SERINC5: variants seen among roughly 807,000 people sequenced by gnomAD.
SERINC5 encodes the protein serine incorporator 5, also known as chromosome 5 open reading frame 12.
SERINC5 carries 41 observed loss-of-function variants against 63.1 expected under a neutral mutation model. That is an observed-to-expected ratio of 0.65 (90% CI 0.51 to 0.84). The LOEUF is 0.84. Ranked by LOEUF, SERINC5 falls within the 40% of genes least tolerant of loss-of-function variation. The pLI, the probability that SERINC5 is intolerant of heterozygous loss-of-function variation, is 0.00. For synonymous variants in SERINC5, 222 were observed against 215.2 expected (o/e 1.03, Z -0.28); for missense variants, 523 against 573.0 (o/e 0.91, Z 0.89).
At chr5:80,208,702 A>G (rs1321907664) in intron 1 of SERINC5, among the ~76,000 whole-genome samples, 3 of 152,244 alleles carry the variant, frequency 2.0e-5, no homozygotes, top group Non-Finnish European at 4.4e-5. Flanking sequence ...TCAGAGGGCA[A>G]TGCTTGCAAT....
At chr5:80,115,517 T>C (rs1744293835) in intron 11 of SERINC5, among the ~76,000 whole-genome samples, 1 of 152,060 alleles carries the variant, frequency 6.6e-6, no homozygotes, top group South Asian at 2.1e-4. Flanking sequence ...TATTTGCTAT[T>C]TTCTGCTTCC....
At chr5:80,112,581 ACTT>A (rs1431390903) in intron 12 of SERINC5, among the ~76,000 whole-genome samples, 1 of 151,974 alleles carries the variant, frequency 6.6e-6, no homozygotes, top group African/African-American at 2.4e-5. Flanking sequence ...TCTGTGTCTT[ACTT>A]CTTTTCTCAG....
At position 80,139,938 on chromosome 5, in the gene SERINC5, A is replaced by G. The variant is rs775532986; in HGVS notation, c.*3725T>C. Reference sequence around the variant, plus strand: ...TTTGGAAAGGCAATAAAGGGAGTGTAAAAGCCTAGGTAGCTTAAATACAGG... The same window carrying G: ...TTTGGAAAGGCAATAAAGGGAGTGTGAAAGCCTAGGTAGCTTAAATACAGG... On this transcript the variant is annotated 3_prime_UTR_variant, in exon 12 of 12. Coordinates refer to ENST00000507668, the MANE Select transcript of SERINC5 (RefSeq NM_001174072.3). 36 of 985,314 alleles carry G rather than the reference A, an allele frequency of 3.7e-5. No individual in the cohort carries two copies. The highest frequency in any genetic ancestry group is 4.0e-5 in the Non-Finnish European group (33 of 829,942). The allele number at this position is 985,314 out of a possible 1,614,324, so 61.0% of individuals were successfully genotyped here.
chr5:80,222,153 A>G (rs577488583), intron 1 of SERINC5, among the ~76,000 whole-genome samples: 3 of 152,098 alleles, frequency 2.0e-5, no homozygotes, highest in Non-Finnish European at 2.9e-5. Flanking sequence ...GTCTCAAATA[A>G]TAATAATAAT....
At chr5:80,195,801 A>G (rs566343895) in intron 2 of SERINC5, among the ~76,000 whole-genome samples, 1 of 152,314 alleles carries the variant, frequency 6.6e-6, no homozygotes, top group South Asian at 2.1e-4. Context: ...TGGAAATCCA[A>G]GTTGTTTTTA....
At chr5:80,159,115 T>G (rs778264849) in intron 7 of SERINC5, among the ~76,000 whole-genome samples, 153 bp from the exon 8 acceptor site, 4 of 152,240 alleles carry the variant, frequency 2.6e-5, no homozygotes, top group Admixed American at 2.6e-4. Context: ...ACAGGCTGTT[T>G]CCATGCAGAC....
intron 1 of SERINC5, among the ~76,000 whole-genome samples, chr5:80,229,144 C>T (rs1751314844): frequency 6.7e-6 from 1 of 148,958 alleles, no homozygotes; most frequent in African/African-American, 2.5e-5. Context: ...GTGCCTCAGC[C>T]TCCCCAGTAG....
chr5:80,190,070 T>A (rs1198394999), intron 2 of SERINC5, among the ~76,000 whole-genome samples: 1 of 151,822 alleles, frequency 6.6e-6, no homozygotes, highest in African/African-American at 2.4e-5. Flanking sequence ...AATACATTAT[T>A]TGCAAGTTCA....
At chr5:80,122,216 A>ATATAATG (rs1561348089) in intron 11 of SERINC5, among the ~76,000 whole-genome samples, 2 of 67,550 alleles carry the variant, frequency 3.0e-5, no homozygotes, top group African/African-American at 1.4e-4. Context: ...TATATATAAT[A>ATATAATG]TGAGTTTATT....
chr5:80,156,060 G>C (rs1746500162), intron 8 of SERINC5, among the ~76,000 whole-genome samples: 2 of 152,140 alleles, frequency 1.3e-5, no homozygotes. Flanking sequence ...AGGGCGAAGG[G>C]AAAGAGAGGA....
intron 1 of SERINC5, among the ~76,000 whole-genome samples, chr5:80,239,880 G>C (rs75809990): frequency 0.011 from 1,637 of 152,176 alleles, 37 homozygotes; most frequent in African/African-American, 0.037. Context: ...GCACAATTGG[G>C]TCAGAAGAAC....
chr5:80,177,798 C>CA (rs1458695015), intron 3 of SERINC5, 88 bp downstream of exon 3: 1 of 1,000,124 alleles, frequency 1.0e-6, no homozygotes, highest in Non-Finnish European at 1.5e-6. Context: ...AGGGCAGTCA[C>CA]AGTGTCTGGT....
intron 1 of SERINC5, among the ~76,000 whole-genome samples, chr5:80,244,344 T>A (rs1752076424): frequency 6.6e-6 from 1 of 151,716 alleles, no homozygotes; most frequent in Admixed American, 6.6e-5. Context: ...ACCTCCTGAG[T>A]AGCTGGGATT....
At chr5:80,235,196 T>A (rs1474465817) in intron 1 of SERINC5, among the ~76,000 whole-genome samples, 1 of 152,250 alleles carries the variant, frequency 6.6e-6, no homozygotes. Flanking sequence ...TTTGTGACTT[T>A]TATTGTATAC....
chr5:80,112,232 T>C (rs533045912), intron 12 of SERINC5, among the ~76,000 whole-genome samples: 2 of 152,304 alleles, frequency 1.3e-5, no homozygotes, highest in East Asian at 3.9e-4. Flanking sequence ...AAAACCACAC[T>C]GGCAGGAGGC....
In SERINC5 at chr5:80,139,172, T is replaced by C; in HGVS notation, c.*4491A>G. 1.0e-6 allele frequency: 1 copy of C among 985,032 alleles called. No individual in the cohort carries two copies. Among genetic ancestry groups the C allele is most frequent in the Non-Finnish European group, 1.2e-6 (1 of 829,538 alleles). 61.0% of individuals were successfully genotyped at this position (985,032 alleles called of 1,614,324 possible). ...CATAATTTGGCTACAGCTAATCGTT[T>C]CAGAAAAGTTTAAAAAATTAGCAAA... is the stretch of plus-strand genomic sequence containing the variant. On this transcript the variant is annotated 3_prime_UTR_variant, in exon 12 of 12. Coordinates refer to ENST00000507668, the MANE Select transcript of SERINC5 (RefSeq NM_001174072.3).
At chr5:80,222,691 G>A (rs985072173) in intron 1 of SERINC5, among the ~76,000 whole-genome samples, 4 of 152,054 alleles carry the variant, frequency 2.6e-5, no homozygotes, top group African/African-American at 9.7e-5. Context: ...TCCTGCCTCA[G>A]CCTCCCAAGT....
intron 1 of SERINC5, among the ~76,000 whole-genome samples, chr5:80,247,313 T>C (rs1752208273): frequency 6.6e-6 from 1 of 152,170 alleles, no homozygotes; most frequent in Admixed American, 6.5e-5. Flanking sequence ...CCGTGTCTCA[T>C]AGTCACTCCC....
chr5:80,120,397 A>G (rs1744495613), intron 11 of SERINC5, among the ~76,000 whole-genome samples: 1 of 152,210 alleles, frequency 6.6e-6, no homozygotes, highest in Admixed American at 6.6e-5. Context: ...ACAACATGGA[A>G]GGAGCCTGTA....
Sources: allele counts gnomAD v4.1 joint callset (sites outside exome capture counted in the v4.1 genomes callset), GRCh38; gene constraint gnomAD v4.1.1; transcripts MANE v1.5; gene names NCBI Gene and HGNC (gene_info 2026-07-23, HGNC 2026-07-21).